Variants in RBMS3 observed in about 807,000 individuals in gnomAD.
The protein encoded by RBMS3 is RNA binding motif single stranded interacting protein 3, also known as RNA-binding motif, single-stranded-interacting protein 3.
In RBMS3, 27 loss-of-function variants were observed where a neutral mutation model predicts 66.8. That is an observed-to-expected ratio of 0.40 (90% CI 0.30 to 0.56). The LOEUF (loss-of-function observed/expected upper bound fraction) is 0.56. Among genes scored for constraint, RBMS3 ranks in the 20% least tolerant of loss-of-function variants. The probability of loss-of-function intolerance (pLI) is 0.40; values close to 1 mark genes in which losing one functional copy is unlikely to be tolerated. For missense variants in RBMS3, 513 were observed against 549.5 expected (o/e 0.93, Z 0.66); for synonymous variants, 188 against 183.0 (o/e 1.03, Z -0.22).
intron 2 of RBMS3, among the ~76,000 whole-genome samples, chr3:29,476,403 A>T (rs756206290): frequency 2.4e-4 from 36 of 152,218 alleles, no homozygotes; most frequent in Admixed American, 6.5e-4. Flanking sequence ...TAGAATTTTT[A>T]AAGTTCTCTG....
At chr3:29,535,164 T>G (rs2045505776) in intron 3 of RBMS3, among the ~76,000 whole-genome samples, 1 of 152,152 alleles carries the variant, frequency 6.6e-6, no homozygotes, top group South Asian at 2.1e-4. Context: ...TTTACCAATT[T>G]TCCTTAGGGG....
At chr3:29,676,794 T>C (rs1256955932) in intron 4 of RBMS3, among the ~76,000 whole-genome samples, 1 of 152,202 alleles carries the variant, frequency 6.6e-6, no homozygotes, top group Non-Finnish European at 1.5e-5. Context: ...TTACTGGGTG[T>C]AAAACACATG....
chr3:29,658,029 T>C (rs1007219710), intron 4 of RBMS3, among the ~76,000 whole-genome samples: 3 of 152,214 alleles, frequency 2.0e-5, no homozygotes, highest in Non-Finnish European at 4.4e-5. Context: ...GTTTAAGAGT[T>C]CTATAAATGG....
intron 1 of RBMS3, among the ~76,000 whole-genome samples, chr3:29,351,003 T>C (rs2036877063): frequency 6.8e-6 from 1 of 147,718 alleles, no homozygotes; most frequent in South Asian, 2.1e-4. Flanking sequence ...ATATTATGTG[T>C]ATATATATAT....
At chr3:29,720,614 G>T (rs1374561816) in intron 4 of RBMS3, among the ~76,000 whole-genome samples, 1 of 151,410 alleles carries the variant, frequency 6.6e-6, no homozygotes, top group Non-Finnish European at 1.5e-5. Flanking sequence ...CAAATCTCTG[G>T]CATTTTTTTG....
intron 6 of RBMS3, among the ~76,000 whole-genome samples, chr3:29,833,041 T>C (rs558273161): frequency 4.1e-4 from 63 of 152,138 alleles, no homozygotes; most frequent in African/African-American, 1.4e-3. Context: ...GTCCTGGCTT[T>C]GTGGGATCGA....
At chr3:29,693,076 T>C (rs1434849688) in intron 4 of RBMS3, among the ~76,000 whole-genome samples, 1 of 152,174 alleles carries the variant, frequency 6.6e-6, no homozygotes, top group African/African-American at 2.4e-5. Context: ...CTGCATAATT[T>C]ACATTGAGAC....
chr3:29,377,635 C>A (rs1425384270), intron 1 of RBMS3, among the ~76,000 whole-genome samples: 1 of 152,144 alleles, frequency 6.6e-6, no homozygotes, highest in Non-Finnish European at 1.5e-5. Flanking sequence ...CATTAAAAGT[C>A]CAAAGGAGAA....
chr3:29,482,729 A>C, intron 2 of RBMS3, among the ~76,000 whole-genome samples: 1 of 30,786 alleles, frequency 3.2e-5, no homozygotes, highest in South Asian at 7.4e-4. Context: ...TTTTTTTGAG[A>C]CGGAGTGTCG....
chr3:29,744,119 T>A (rs550672963), intron 5 of RBMS3, among the ~76,000 whole-genome samples: 1 of 152,226 alleles, frequency 6.6e-6, no homozygotes, highest in East Asian at 1.9e-4. Context: ...TTTTTCCAGG[T>A]GGAGTTGATT....
At chr3:29,796,420 A>T (rs1262287050) in intron 6 of RBMS3, among the ~76,000 whole-genome samples, 1 of 152,158 alleles carries the variant, frequency 6.6e-6, no homozygotes, top group Non-Finnish European at 1.5e-5. Flanking sequence ...TTCTCTCATA[A>T]ATGACAAATG....
chr3:29,827,748 C>T (rs1385925920), intron 6 of RBMS3, among the ~76,000 whole-genome samples: 3 of 152,062 alleles, frequency 2.0e-5, no homozygotes, highest in Admixed American at 6.6e-5. Flanking sequence ...AAGTAAGTTA[C>T]CTAAGAAAAA....
At chr3:29,477,310 A>T (rs2042979681) in intron 2 of RBMS3, among the ~76,000 whole-genome samples, 1 of 152,172 alleles carries the variant, frequency 6.6e-6, no homozygotes, top group Non-Finnish European at 1.5e-5. Context: ...AATAGGAGGC[A>T]TATCACTGTA....
At chr3:29,423,670 A>G (rs1195689521) in intron 1 of RBMS3, among the ~76,000 whole-genome samples, 2 of 152,198 alleles carry the variant, frequency 1.3e-5, no homozygotes, top group Non-Finnish European at 2.9e-5. Context: ...TTCTGTGTCT[A>G]CCTGTCAGAT....
At chr3:29,477,347 A>G (rs2042981528) in intron 2 of RBMS3, among the ~76,000 whole-genome samples, 1 of 152,154 alleles carries the variant, frequency 6.6e-6, no homozygotes, top group South Asian at 2.1e-4. Flanking sequence ...TCCCATAGCC[A>G]TCCTAATCAT....
chr3:29,574,097 ACT>A (rs2047029598), intron 3 of RBMS3, among the ~76,000 whole-genome samples: 1 of 152,154 alleles, frequency 6.6e-6, no homozygotes, highest in Admixed American at 6.5e-5. Context: ...CTGCAGATTA[ACT>A]CTGATGTTTC....
intron 2 of RBMS3, among the ~76,000 whole-genome samples, chr3:29,481,738 G>T (rs1405805567): frequency 6.6e-6 from 1 of 152,178 alleles, no homozygotes; most frequent in Non-Finnish European, 1.5e-5. Flanking sequence ...TAAATCATGT[G>T]CTTCCTTGGG....
At chr3:29,849,572 T>C (rs962038487) in intron 6 of RBMS3, among the ~76,000 whole-genome samples, 1 of 151,402 alleles carries the variant, frequency 6.6e-6, no homozygotes, top group African/African-American at 2.4e-5. Flanking sequence ...TTTTGTCAAC[T>C]GTAGTATTTG....
At chr3:29,900,784 C>A (rs1233302516) in intron 10 of RBMS3, among the ~76,000 whole-genome samples, 1 of 151,586 alleles carries the variant, frequency 6.6e-6, no homozygotes, top group Non-Finnish European at 1.5e-5. Context: ...TATCATTGTC[C>A]TCATTATTAT....
Sources: gnomAD v4.1 joint callset for allele counts (sites outside exome capture counted in the v4.1 genomes callset) on GRCh38, gnomAD v4.1.1 for gene constraint, MANE v1.5 for transcripts, NCBI Gene and HGNC (gene_info 2026-07-23, HGNC 2026-07-21) for gene names.